The following HECW2 variants were observed in gnomAD, a reference collection of about 807,000 sequenced individuals.
HECW2 encodes the protein HECT, C2 and WW domain containing E3 ubiquitin protein ligase 2.
HECW2 carries 61 observed loss-of-function variants against 175.2 expected under a neutral mutation model. That is an observed-to-expected ratio of 0.35 (90% confidence interval 0.28 to 0.43). The LOEUF (loss-of-function observed/expected upper bound fraction) is 0.43, where lower values mean the gene tolerates loss of function less well. HECW2 is among the 20% of genes least tolerant of loss of function. The pLI, the probability that HECW2 is intolerant of heterozygous loss-of-function variation, is 1.00. For missense variants in HECW2, 1,524 were observed against 2,000.5 expected (o/e 0.76, Z 4.54); for synonymous variants, 671 against 731.0 (o/e 0.92, Z 1.32).
intron 17 of HECW2, chr2:196,264,008 T>C (rs1194195095): frequency 6.6e-6 from 1 of 152,196 alleles, no homozygotes; most frequent in African/African-American, 2.4e-5. Flanking sequence ...TTTGACCCAC[T>C]CCTTTTTCTG....
rs562683916 is a variant in HECW2, at chr2:196,580,269, T to C, written c.-36+13239A>G. Among the ~76,000 whole-genome samples, 4 of 152,146 alleles carry C rather than the reference T, an allele frequency of 2.6e-5. No homozygotes were observed. In the South Asian group the frequency reaches 8.3e-4, roughly 32 times the overall value. On this transcript the variant is annotated intron_variant, in intron 1 of 28. Transcript: ENST00000644978. ...CACTTCTCCTCATGGATAAAACAACTAAAGATCAACAAGGACAGTTATAAC... is the reference window on the plus strand; with the variant it reads ...CACTTCTCCTCATGGATAAAACAACCAAAGATCAACAAGGACAGTTATAAC...
intron 1 of HECW2, among the ~76,000 whole-genome samples, chr2:196,562,764 C>T (rs1346786171): frequency 6.6e-6 from 1 of 152,162 alleles, no homozygotes; most frequent in African/African-American, 2.4e-5. Context: ...CCAGCTTTGG[C>T]CAGGGTTGGT....
intron 1 of HECW2, among the ~76,000 whole-genome samples, chr2:196,477,368 GTTAGAAATTAATA>G (rs2125365537): frequency 6.6e-6 from 1 of 152,246 alleles, no homozygotes; most frequent in Non-Finnish European, 1.5e-5. Flanking sequence ...CTTTATTAAA[GTTAGAAATTAATA>G]GACCATTTGT....
At chr2:196,447,098 C>T (rs1402849414) in intron 1 of HECW2, among the ~76,000 whole-genome samples, 1 of 152,178 alleles carries the variant, frequency 6.6e-6, no homozygotes, top group African/African-American at 2.4e-5. Context: ...TCTTCAGTGT[C>T]ATGATCCAGC....
At chr2:196,482,998 G>A (rs151201095) in intron 1 of HECW2, among the ~76,000 whole-genome samples, 172 of 149,290 alleles carry the variant, frequency 1.2e-3, no homozygotes, top group Non-Finnish European at 1.9e-3. Flanking sequence ...GGCTTACCTC[G>A]AGAAAACTAA....
intron 3 of HECW2, among the ~76,000 whole-genome samples, chr2:196,336,680 A>C (rs1219346260): frequency 6.6e-6 from 1 of 152,202 alleles, no homozygotes; most frequent in African/African-American, 2.4e-5. Flanking sequence ...GAGGATGATG[A>C]TAATCATGCC....
chr2:196,436,380 G>A (rs977424415), intron 1 of HECW2, among the ~76,000 whole-genome samples: 32 of 138,688 alleles, frequency 2.3e-4, no homozygotes, highest in East Asian at 8.4e-4. Flanking sequence ...CAGTCTGGGC[G>A]ACAGAGCGAG....
intron 1 of HECW2, among the ~76,000 whole-genome samples, chr2:196,537,855 T>C (rs1048632867): frequency 1.6e-4 from 25 of 152,352 alleles, no homozygotes; most frequent in Middle Eastern, 3.4e-3. Flanking sequence ...TAATCCTTTA[T>C]CACAAACCCT....
chr2:196,526,764 G>C (rs941531509), intron 1 of HECW2, among the ~76,000 whole-genome samples: 1 of 152,062 alleles, frequency 6.6e-6, no homozygotes, highest in Non-Finnish European at 1.5e-5. Flanking sequence ...GCCCCTGCTG[G>C]GGGATGCCTC....
At chr2:196,223,107 A>G (rs1390255872) in intron 23 of HECW2, among the ~76,000 whole-genome samples, 1 of 152,186 alleles carries the variant, frequency 6.6e-6, no homozygotes, top group African/African-American at 2.4e-5. Flanking sequence ...TTAGGCATCA[A>G]GCATGTACCA....
intron 1 of HECW2, among the ~76,000 whole-genome samples, chr2:196,444,875 T>C (rs1468563121): frequency 2.0e-5 from 3 of 152,180 alleles, no homozygotes; most frequent in Non-Finnish European, 2.9e-5. Context: ...GGATTTTTTT[T>C]CCCTGGATTT....
chr2:196,212,917 A>G (rs2105793065), intron 28 of HECW2, among the ~76,000 whole-genome samples: 1 of 152,340 alleles, frequency 6.6e-6, no homozygotes, highest in Middle Eastern at 3.4e-3. Flanking sequence ...CATAGGAAAA[A>G]GAAATACACT....
At chr2:196,323,907 TGTTTTTTGTTTG>T (rs1290681255) in intron 6 of HECW2, among the ~76,000 whole-genome samples, 15 of 102,742 alleles carry the variant, frequency 1.5e-4, no homozygotes, top group African/African-American at 5.5e-4. Context: ...GAGTTTTTTT[TGTTTTTTGTTTG>T]TTTTTTTTTT....
intron 1 of HECW2, among the ~76,000 whole-genome samples, chr2:196,528,426 C>G (rs572080918): frequency 6.6e-6 from 1 of 152,112 alleles, no homozygotes; most frequent in African/African-American, 2.4e-5. Flanking sequence ...AGAGGCAGAA[C>G]ATACTTGGCC....
rs1333400205 is a variant in HECW2 at position 196,195,703 on chromosome 2, T to C, written c.*5574A>G. On this transcript the variant is annotated 3_prime_UTR_variant, in exon 29 of 29. Coordinates refer to ENST00000644978, the MANE Select transcript of HECW2 (RefSeq NM_001348768.2). The stretch of plus-strand genomic sequence containing the variant: ...ATGTCCGCTAAAAAAACCAAATAAG[T>C]ATAATGAAATAAAAGCACCCTTTCT... 1.3e-5 allele frequency: 2 copies of C among 152,192 alleles called. No homozygotes were observed. The highest frequency in any genetic ancestry group is 2.4e-5 in the African/African-American group (1 of 41,450). 9.4% of individuals were successfully genotyped at this position (152,192 alleles called of 1,614,324 possible). A position where few individuals can be genotyped will look rare whatever the true frequency, so the allele number is the denominator to read the frequency against.
chr2:196,228,820 G>A (rs779037778), intron 21 of HECW2, among the ~76,000 whole-genome samples: 19 of 152,308 alleles, frequency 1.2e-4, no homozygotes, highest in South Asian at 4.1e-4. Flanking sequence ...AGGTGCAAAT[G>A]TTTTAAATGA....
At chr2:196,335,943 C>T (rs1692534291) in intron 3 of HECW2, among the ~76,000 whole-genome samples, 2 of 152,006 alleles carry the variant, frequency 1.3e-5, no homozygotes, top group Admixed American at 1.3e-4. Context: ...TGGCAAAATA[C>T]AAAAGACACA....
intron 14 of HECW2, chr2:196,289,629 C>T (rs889700933): frequency 2.0e-5 from 3 of 152,168 alleles, no homozygotes; most frequent in African/African-American, 7.2e-5. Flanking sequence ...TTGAAACTCC[C>T]ATGCTGATCA....
intron 13 of HECW2, among the ~76,000 whole-genome samples, chr2:196,303,149 T>A (rs1447225492): frequency 1.3e-5 from 2 of 152,220 alleles, no homozygotes; most frequent in Non-Finnish European, 2.9e-5. Flanking sequence ...ATCGAAGGCC[T>A]TTTCTGCGTC....
Sources: allele counts gnomAD v4.1 joint callset (sites outside exome capture counted in the v4.1 genomes callset), GRCh38; gene constraint gnomAD v4.1.1; transcripts MANE v1.5; gene names NCBI Gene and HGNC (gene_info 2026-07-23, HGNC 2026-07-21).